Variants in ST6GALNAC3 observed in about 807,000 individuals in gnomAD.
ST6GALNAC3 encodes the protein alpha-N-acetylgalactosaminide alpha-2,6-sialyltransferase 3.
In ST6GALNAC3, 25 loss-of-function variants were observed where a neutral mutation model predicts 32.7. The ratio of observed to expected loss-of-function variants is 0.76; its 90% CI spans 0.56 to 1.07. The LOEUF is 1.07. Ranked by LOEUF, ST6GALNAC3 falls within the 50% of genes least tolerant of loss-of-function variation. ST6GALNAC3 has a pLI of 0.00. For synonymous variants in ST6GALNAC3, 129 were observed against 133.1 expected, an observed-to-expected ratio of 0.97 and a Z score of 0.21; for missense variants, 355 against 382.4, an observed-to-expected ratio of 0.93 and a Z score of 0.60.
intron 1 of ST6GALNAC3, among the ~76,000 whole-genome samples, chr1:76,101,406 T>C (rs291059): frequency 0.29 from 44,530 of 152,020 alleles, 8,376 homozygotes; most frequent in African/African-American, 0.54. Flanking sequence ...TTATCCATTC[T>C]CCTACTGAAG....
intron 1 of ST6GALNAC3, among the ~76,000 whole-genome samples, chr1:76,211,656 A>G (rs1362435810): frequency 1.3e-5 from 2 of 152,106 alleles, no homozygotes; most frequent in African/African-American, 2.4e-5. Flanking sequence ...GAAGCTGGAA[A>G]CCATCATCCT....
At chr1:76,307,876 T>G (rs1219765701) in intron 1 of ST6GALNAC3, 1 of 514,828 alleles carries the variant, frequency 1.9e-6, no homozygotes, top group Non-Finnish European at 3.9e-6. Context: ...TTCTGTGGAT[T>G]TTATTTTGGA....
rs1021665708 is a variant in ST6GALNAC3, at chr1:76,395,000, G to A, written c.214-17008G>A. On this transcript the variant is annotated intron_variant, in intron 2 of 4. Transcript: ENST00000328299. ...TACATTTTGGATTGCCTTTGCATTA[G>A]CATTTTATGGCAATTGGTCTGGTTT... 2.2e-5 allele frequency among the ~76,000 whole-genome samples: 3 copies of A among 135,612 alleles called. No individual in the cohort carries two copies. In the East Asian group the frequency reaches 9.2e-4, roughly 42 times the overall value. The allele number at this position is 135,612 out of a possible 152,430, so 89.0% of individuals were successfully genotyped here.
intron 2 of ST6GALNAC3, among the ~76,000 whole-genome samples, chr1:76,375,043 A>C (rs1540964): frequency 0.32 from 48,015 of 151,992 alleles, 8,687 homozygotes; most frequent in Middle Eastern, 0.43. Flanking sequence ...AATTCCAAAA[A>C]CTTGCAAATT....
chr1:76,469,185 G>C (rs922071697), intron 3 of ST6GALNAC3, among the ~76,000 whole-genome samples: 1 of 152,046 alleles, frequency 6.6e-6, no homozygotes, highest in Admixed American at 6.6e-5. Flanking sequence ...ACACAAGACT[G>C]TTGTTGAAAG....
At position 76,277,613 on chromosome 1, in the gene ST6GALNAC3, C is replaced by T. The variant is rs11582274; in HGVS notation, c.19-36192C>T. ...GTGTATATATATATATATATATATA[C>T]ACACACACACACACACACACACATT... On this transcript the variant is annotated intron_variant, in intron 1 of 4. Coordinates refer to ENST00000328299, the MANE Select transcript of ST6GALNAC3 (RefSeq NM_152996.4). Among the ~76,000 whole-genome samples the T allele has an allele frequency of 6.7e-3, 262 of 39,290 alleles. 3 individuals carry two copies. Among genetic ancestry groups the T allele is most frequent in the South Asian group, 0.045 (57 of 1,266 alleles). The allele number at this position is 39,290 out of a possible 152,430, so 25.8% of individuals were successfully genotyped here.
chr1:76,484,622 G>T (rs1659972519), intron 3 of ST6GALNAC3, among the ~76,000 whole-genome samples: 1 of 152,110 alleles, frequency 6.6e-6, no homozygotes, highest in Non-Finnish European at 1.5e-5. Flanking sequence ...GAGATTTTGG[G>T]CTGAGACAAT....
rs550583315 is a variant in ST6GALNAC3 at position 76,206,894 on chromosome 1, G to A, written c.19-106911G>A. On this transcript the variant is annotated intron_variant, in intron 1 of 4. Coordinates refer to ENST00000328299, the MANE Select transcript of ST6GALNAC3 (RefSeq NM_152996.4). ...CTGTTTTCTTTGTACTACAGAATTA[G>A]CACTTTTCGTCCCTCTAAATAGACA... 7.2e-5 allele frequency among the ~76,000 whole-genome samples: 11 copies of A among 152,260 alleles called. No homozygotes were observed. In the East Asian group the frequency reaches 1.9e-3, roughly 27 times the overall value.
chr1:76,209,257 C>A (rs1263882127), intron 1 of ST6GALNAC3, among the ~76,000 whole-genome samples: 1 of 152,150 alleles, frequency 6.6e-6, no homozygotes, highest in East Asian at 1.9e-4. Flanking sequence ...CTTCTTGAAG[C>A]CCCTGAGCTT....
At chr1:76,430,057 A>G (rs1446545747) in intron 3 of ST6GALNAC3, among the ~76,000 whole-genome samples, 1 of 152,168 alleles carries the variant, frequency 6.6e-6, no homozygotes, top group Admixed American at 6.6e-5. Flanking sequence ...GTGAAATTCA[A>G]TCTGTTTAAA....
intron 1 of ST6GALNAC3, among the ~76,000 whole-genome samples, chr1:76,286,055 T>C (rs532804640): frequency 6.6e-6 from 1 of 152,300 alleles, no homozygotes; most frequent in South Asian, 2.1e-4. Context: ...AACATTCTAC[T>C]GGAAGGAGGC....
intron 2 of ST6GALNAC3, among the ~76,000 whole-genome samples, chr1:76,318,713 A>T (rs1279508115): frequency 6.6e-6 from 1 of 152,188 alleles, no homozygotes; most frequent in Non-Finnish European, 1.5e-5. Flanking sequence ...TATGTCACCC[A>T]TGTATTTTTC....
intron 1 of ST6GALNAC3, among the ~76,000 whole-genome samples, chr1:76,248,880 T>G (rs539309960): frequency 1.2e-3 from 178 of 152,304 alleles, no homozygotes; most frequent in African/African-American, 4.2e-3. Context: ...ATCCCATTTG[T>G]GGCCACCTAG....
chr1:76,382,780 G>A (rs1411546541), intron 2 of ST6GALNAC3, among the ~76,000 whole-genome samples: 1 of 152,132 alleles, frequency 6.6e-6, no homozygotes, highest in East Asian at 1.9e-4. Context: ...AGAAACATTG[G>A]TATAACATAA....
At chr1:76,462,697 A>G (rs1658361391) in intron 3 of ST6GALNAC3, among the ~76,000 whole-genome samples, 1 of 152,174 alleles carries the variant, frequency 6.6e-6, no homozygotes, top group African/African-American at 2.4e-5. Flanking sequence ...AGACAGTGAA[A>G]GACATTTAGG....
At chr1:76,115,297 A>G (rs554341042) in intron 1 of ST6GALNAC3, among the ~76,000 whole-genome samples, 3 of 152,144 alleles carry the variant, frequency 2.0e-5, no homozygotes, top group Non-Finnish European at 4.4e-5. Context: ...TATGCCTCTA[A>G]GTAAACCAAG....
intron 3 of ST6GALNAC3, among the ~76,000 whole-genome samples, chr1:76,596,069 G>A (rs1321549132): frequency 6.6e-6 from 1 of 152,066 alleles, no homozygotes; most frequent in African/African-American, 2.4e-5. Context: ...CCAAGGCTGG[G>A]AACCACTGCA....
intron 2 of ST6GALNAC3, among the ~76,000 whole-genome samples, chr1:76,350,727 A>G (rs1648908108): frequency 6.6e-6 from 1 of 151,508 alleles, no homozygotes; most frequent in South Asian, 2.1e-4. Context: ...GATTAAAAGT[A>G]TTATTTTATC....
chr1:76,629,762 A>C lies in ST6GALNAC3; in HGVS notation c.*956A>C. The C allele has an allele frequency of 1.0e-6, 1 of 974,774 alleles. No homozygotes were observed. Among genetic ancestry groups the C allele is most frequent in the Non-Finnish European group, 1.2e-6 (1 of 819,932 alleles). 60.4% of individuals were successfully genotyped at this position (974,774 alleles called of 1,614,324 possible). On this transcript the variant is annotated 3_prime_UTR_variant, in exon 5 of 5. Transcript: ENST00000328299. ...TAGAGACAGCAAAGCATATTTTTAC[A>C]TCAATTTGTATCCTATCATACTTCA... is the stretch of plus-strand genomic sequence containing the variant.
Sources: allele counts gnomAD v4.1 joint callset (sites outside exome capture counted in the v4.1 genomes callset), GRCh38; gene constraint gnomAD v4.1.1; transcripts MANE v1.5; gene names NCBI Gene and HGNC (gene_info 2026-07-23, HGNC 2026-07-21).